The following RSRC1 variants were observed in gnomAD, a reference collection of about 807,000 sequenced individuals.
RSRC1 encodes arginine and serine rich coiled-coil 1, also known as serine/Arginine-related protein 53.
A neutral mutation model predicts 49.1 loss-of-function variants in RSRC1; 39 were observed. That is an observed-to-expected ratio of 0.79 (90% CI 0.61 to 1.04). The LOEUF (loss-of-function observed/expected upper bound fraction) is 1.04, where lower values mean the gene tolerates loss of function less well. Ranked by LOEUF, RSRC1 falls within the 50% of genes least tolerant of loss-of-function variation. The probability of loss-of-function intolerance (pLI) is 0.00; values close to 1 mark genes in which losing one functional copy is unlikely to be tolerated. For synonymous variants in RSRC1, 143 were observed against 130.8 expected (o/e 1.09, Z -0.63); for missense variants, 388 against 402.4 (o/e 0.96, Z 0.31).
intron 4 of RSRC1, among the ~76,000 whole-genome samples, chr3:158,206,149 A>C (rs982052631): frequency 6.6e-6 from 1 of 152,306 alleles, no homozygotes; most frequent in African/African-American, 2.4e-5. Flanking sequence ...GCTAATAATG[A>C]GCAGTTAAAA....
At chr3:158,366,848 G>T (rs1410885022) in intron 6 of RSRC1, among the ~76,000 whole-genome samples, 1 of 151,934 alleles carries the variant, frequency 6.6e-6, no homozygotes, top group Non-Finnish European at 1.5e-5. Flanking sequence ...TGTAGTTCTT[G>T]AAGAGGTCCT....
intron 6 of RSRC1, among the ~76,000 whole-genome samples, chr3:158,355,610 A>G (rs1255723154): frequency 6.6e-6 from 1 of 151,972 alleles, no homozygotes; most frequent in Non-Finnish European, 1.5e-5. Flanking sequence ...TGTGACTTAG[A>G]TTTTAGATAC....
At chr3:158,196,260 C>G (rs1180056871) in intron 3 of RSRC1, among the ~76,000 whole-genome samples, 1 of 151,900 alleles carries the variant, frequency 6.6e-6, no homozygotes, top group Non-Finnish European at 1.5e-5. Context: ...CTCTTTGAAG[C>G]AATTGTGAAT....
chr3:158,353,755 T>G (rs1731002433), intron 5 of RSRC1, among the ~76,000 whole-genome samples: 1 of 152,096 alleles, frequency 6.6e-6, no homozygotes, highest in Non-Finnish European at 1.5e-5. Context: ...ATCACATAAA[T>G]TATTAGTTTT....
At chr3:158,237,103 T>C (rs981597596) in intron 4 of RSRC1, among the ~76,000 whole-genome samples, 8 of 152,214 alleles carry the variant, frequency 5.3e-5, no homozygotes, top group African/African-American at 1.9e-4. Flanking sequence ...CTTTCAGTTA[T>C]GTATGACAAG....
rs143083357 is a variant in RSRC1, at chr3:158,259,424, CCAAA to C, written c.495-38612_495-38609del. Among the ~76,000 whole-genome samples the C allele has an allele frequency of 7.6e-3, 1,164 of 152,204 alleles. 7 individuals carry two copies. Among genetic ancestry groups the C allele is most frequent in the African/African-American group, 0.027 (1,105 of 41,528 alleles). ...TCTTGTTCCCTTCCCTTTCTTTTCC[CCAAA>C]CAGAGTGTCTCACTCTGTGCTGAAC... On this transcript the variant is annotated intron_variant, in intron 4 of 9. Coordinates refer to ENST00000611884, the MANE Select transcript of RSRC1 (RefSeq NM_001271838.2).
At chr3:158,488,046 CT>C (rs1170519321) in intron 7 of RSRC1, among the ~76,000 whole-genome samples, 1 of 146,170 alleles carries the variant, frequency 6.8e-6, no homozygotes, top group Non-Finnish European at 1.5e-5. Context: ...TTAAGAAAGA[CT>C]GCCACACAAA....
intron 6 of RSRC1, among the ~76,000 whole-genome samples, chr3:158,416,495 C>A (rs1734743474): frequency 6.6e-6 from 1 of 152,008 alleles, no homozygotes; most frequent in African/African-American, 2.4e-5. Context: ...ATGGAGAGAC[C>A]ACATATAAGT....
At chr3:158,514,223 G>C (rs1047678555) in intron 7 of RSRC1, among the ~76,000 whole-genome samples, 43 of 151,978 alleles carry the variant, frequency 2.8e-4, no homozygotes, top group African/African-American at 1.0e-3. Flanking sequence ...TGTCAATTTT[G>C]GATCTTTCCT....
At chr3:158,225,528 A>G (rs989546269) in intron 4 of RSRC1, 2 of 308,546 alleles carry the variant, frequency 6.5e-6, no homozygotes, top group Non-Finnish European at 1.3e-5. Flanking sequence ...AGAGCCAGAG[A>G]GTTTGTTTGT....
intron 1 of RSRC1, among the ~76,000 whole-genome samples, chr3:158,117,241 T>C (rs1462472521): frequency 6.6e-6 from 1 of 152,236 alleles, no homozygotes; most frequent in African/African-American, 2.4e-5. Context: ...TTATGAGATA[T>C]ACTGGGTATG....
At chr3:158,386,389 A>G (rs970191399) in intron 6 of RSRC1, among the ~76,000 whole-genome samples, 3 of 152,078 alleles carry the variant, frequency 2.0e-5, no homozygotes, top group Non-Finnish European at 2.9e-5. Context: ...ATCTTGTTTA[A>G]TACATTTTAG....
At chr3:158,518,148 A>ATATTTTTTTTTTTTTTTT (rs1310027981) in intron 7 of RSRC1, among the ~76,000 whole-genome samples, 1 of 44,138 alleles carries the variant, frequency 2.3e-5, no homozygotes. Context: ...ATATATATAT[A>ATATTTTTTTTTTTTTTTT]TTTTTTTTTT....
At chr3:158,316,035 G>C (rs1728417719) in intron 5 of RSRC1, among the ~76,000 whole-genome samples, 1 of 151,966 alleles carries the variant, frequency 6.6e-6, no homozygotes, top group African/African-American at 2.4e-5. Context: ...AGCTGGGCGT[G>C]GTGGCATGCA....
chr3:158,119,107 G>GT (rs1715070966), intron 1 of RSRC1, among the ~76,000 whole-genome samples: 1 of 152,162 alleles, frequency 6.6e-6, no homozygotes, highest in Non-Finnish European at 1.5e-5. Context: ...TTGGGGAAGA[G>GT]TATCACCTGG....
chr3:158,431,416 T>C (rs1735766931), intron 6 of RSRC1, among the ~76,000 whole-genome samples: 1 of 151,842 alleles, frequency 6.6e-6, no homozygotes, highest in South Asian at 2.1e-4. Flanking sequence ...AAATTAATGG[T>C]AGATTTTAAA....
chr3:158,273,965 T>C (rs1013632159), intron 4 of RSRC1, among the ~76,000 whole-genome samples: 3 of 152,156 alleles, frequency 2.0e-5, no homozygotes, highest in Admixed American at 6.5e-5. Flanking sequence ...ACTACACAGA[T>C]TTAAGTGTTA....
At chr3:158,122,454 C>T (rs184901101) in intron 2 of RSRC1, among the ~76,000 whole-genome samples, 156 bp downstream of exon 2, 84 of 152,166 alleles carry the variant, frequency 5.5e-4, no homozygotes, top group Admixed American at 2.6e-3. Flanking sequence ...CCACCAGGTC[C>T]AGTCCGTGGG....
chr3:158,434,008 G>C (rs1397447172), intron 6 of RSRC1, among the ~76,000 whole-genome samples: 3 of 151,770 alleles, frequency 2.0e-5, no homozygotes, highest in African/African-American at 7.3e-5. Context: ...ATGATTTTTT[G>C]AAACTCCAAA....
Sources: allele counts gnomAD v4.1 joint callset (sites outside exome capture counted in the v4.1 genomes callset), GRCh38; gene constraint gnomAD v4.1.1; transcripts MANE v1.5; gene names NCBI Gene and HGNC (gene_info 2026-07-23, HGNC 2026-07-21).